The following OXR1 variants were observed in gnomAD, a reference collection of about 807,000 sequenced individuals.
OXR1 encodes the protein oxidation resistance protein 1.
OXR1 carries 41 observed loss-of-function variants against 104.6 expected under a neutral mutation model. The ratio of observed to expected loss-of-function variants is 0.39; its 90% CI spans 0.31 to 0.51. The LOEUF (loss-of-function observed/expected upper bound fraction) is 0.51, where lower values mean the gene tolerates loss of function less well. OXR1 is among the 20% of genes least tolerant of loss of function. The probability of loss-of-function intolerance (pLI) is 0.77; values close to 1 mark genes in which losing one functional copy is unlikely to be tolerated. For missense variants in OXR1, 955 were observed against 1,031.9 expected (o/e 0.93, Z 1.02); for synonymous variants, 348 against 348.4 (o/e 1.00, Z 0.01).
At chr8:106,557,810 C>A (rs896958031) in intron 3 of OXR1, among the ~76,000 whole-genome samples, 1 of 152,174 alleles carries the variant, frequency 6.6e-6, no homozygotes, top group Non-Finnish European at 1.5e-5. Flanking sequence ...CAGAATTTTT[C>A]TCTCAGAAGT....
chr8:106,458,771 C>T (rs1197646574), intron 2 of OXR1, among the ~76,000 whole-genome samples: 2 of 151,984 alleles, frequency 1.3e-5, no homozygotes, highest in African/African-American at 4.8e-5. Flanking sequence ...AACTATGAGG[C>T]AATGTTGTTT....
Position 106,692,807 on chromosome 8 carries a change from C to T in OXR1, c.605C>T (p.Thr202Ile). The T allele has an allele frequency of 1.2e-6, 2 of 1,605,148 alleles. No homozygotes were observed. Among genetic ancestry groups the T allele is most frequent in the Non-Finnish European group, 1.7e-6 (2 of 1,173,788 alleles). The change falls in exon 7 of 17, where the codon ACT becomes ATT. Residue 202 changes from threonine to isoleucine, a missense_variant. Physicochemically the swap from Thr to Ile is moderately conservative, Grantham distance 89 (BLOSUM62 -1). Around this residue, in one of 2 missense-constraint regions of OXR1, gnomAD observed 849 missense variants for 852.9 expected, o/e 1.00. Coordinates refer to ENST00000517566, the MANE Select transcript of OXR1 (RefSeq NM_001198533.2). ...CGACCTGCACGAGTTGTATCTTCAA[C>T]TTCTGAGGAGGAGGAAGCATTTACT... The part of the protein sequence containing the change: ...GIRPARVVSS[T>I]SEEEEAFTEK...
intron 2 of OXR1, among the ~76,000 whole-genome samples, chr8:106,385,107 T>G (rs1436863520): frequency 6.6e-6 from 1 of 152,208 alleles, no homozygotes; most frequent in African/African-American, 2.4e-5. Flanking sequence ...TTCTTCTTCT[T>G]AAGGGACAGA....
intron 3 of OXR1, among the ~76,000 whole-genome samples, chr8:106,529,261 A>T (rs557458049): frequency 5.3e-5 from 8 of 152,252 alleles, no homozygotes; most frequent in African/African-American, 1.9e-4. Context: ...GACAGTCTAC[A>T]TCTCCATGTG....
Position 106,535,688 on chromosome 8 carries a change from G to A in OXR1, c.220+16549G>A, listed in dbSNP as rs569134268. Among the ~76,000 whole-genome samples, 338 of 151,932 alleles carry A rather than the reference G, an allele frequency of 2.2e-3. 1 individual carries two copies. The highest frequency in any genetic ancestry group is 0.013 in the South Asian group (63 of 4,800). ...ACCCTATTATAAAGTTACATTAATGGAGAAAAAAATTATTAACTACCTCAT... is the reference window on the plus strand; with the variant it reads ...ACCCTATTATAAAGTTACATTAATGAAGAAAAAAATTATTAACTACCTCAT... On this transcript the variant is annotated intron_variant, in intron 3 of 16. Coordinates refer to ENST00000517566, the MANE Select transcript of OXR1 (RefSeq NM_001198533.2).
chr8:106,568,192 C>T lies in OXR1; in HGVS notation c.220+49053C>T, dbSNP rs552024783. 2.0e-5 allele frequency among the ~76,000 whole-genome samples: 3 copies of T among 152,224 alleles called. No homozygotes were observed. The East Asian group carries it at 5.8e-4, about 29-fold the overall frequency. On this transcript the variant is annotated intron_variant, in intron 3 of 16. Transcript: ENST00000517566. The stretch of plus-strand genomic sequence containing the variant: ...CAGATATGAATTTAAATCTTGCTTT[C>T]TCACTTCCTAGCTGTATGTACATGA...
chr8:106,735,789 A>G (rs1045819406), intron 11 of OXR1, among the ~76,000 whole-genome samples: 2 of 152,128 alleles, frequency 1.3e-5, no homozygotes, highest in Non-Finnish European at 2.9e-5. Flanking sequence ...TTGAAATCCT[A>G]TTGTTCTTAA....
At chr8:106,685,589 G>A (rs1028644155) in intron 6 of OXR1, among the ~76,000 whole-genome samples, 2 of 151,936 alleles carry the variant, frequency 1.3e-5, no homozygotes, top group African/African-American at 4.8e-5. Context: ...AAAGTTATGT[G>A]AATGATCTTT....
intron 8 of OXR1, 64 bp from the exon 9 acceptor site, chr8:106,706,316 AGT>A (rs1311599051): frequency 5.5e-6 from 6 of 1,091,708 alleles, no homozygotes; most frequent in Non-Finnish European, 7.9e-6. Flanking sequence ...TTCTGTGTTC[AGT>A]GTGTGAAAAG....
At chr8:106,370,478 G>A (rs969708705) in intron 2 of OXR1, among the ~76,000 whole-genome samples, 1 of 152,142 alleles carries the variant, frequency 6.6e-6, no homozygotes, top group Non-Finnish European at 1.5e-5. Context: ...TCTTATACCA[G>A]TTTTCAAAGG....
intron 1 of OXR1, among the ~76,000 whole-genome samples, chr8:106,288,559 G>GTA (rs940323526): frequency 6.9e-6 from 1 of 145,700 alleles, no homozygotes; most frequent in African/African-American, 2.6e-5. Flanking sequence ...TATATAGTGT[G>GTA]TATATATATG....
chr8:106,325,185 T>C (rs1814417247), intron 1 of OXR1, among the ~76,000 whole-genome samples: 1 of 152,202 alleles, frequency 6.6e-6, no homozygotes, highest in South Asian at 2.1e-4. Flanking sequence ...GAACAATGAA[T>C]TGCTTGTCCT....
At chr8:106,702,782 A>G (rs1308915188) in intron 7 of OXR1, 124 bp from the exon 8 acceptor site, 24 of 675,298 alleles carry the variant, frequency 3.6e-5, no homozygotes, top group Admixed American at 9.6e-5. Context: ...TGAGAATGCC[A>G]CAGTTCCTGA....
chr8:106,488,652 T>C (rs1256966919), intron 2 of OXR1, among the ~76,000 whole-genome samples: 4 of 148,718 alleles, frequency 2.7e-5, no homozygotes, highest in African/African-American at 5.0e-5. Context: ...GGCTAGCCAG[T>C]TTTCCCAGCA....
intron 3 of OXR1, among the ~76,000 whole-genome samples, chr8:106,622,509 C>T (rs1411147462): frequency 2.0e-5 from 3 of 151,710 alleles, no homozygotes; most frequent in Non-Finnish European, 4.4e-5. Flanking sequence ...ATAATTCCCC[C>T]GCCATTACTC....
chr8:106,289,839 G>T (rs1445261703), intron 1 of OXR1, among the ~76,000 whole-genome samples: 1 of 152,076 alleles, frequency 6.6e-6, no homozygotes, highest in African/African-American at 2.4e-5. Flanking sequence ...GAATCATCGG[G>T]GCTGTTACCC....
At chr8:106,600,898 C>T (rs1257931120) in intron 3 of OXR1, among the ~76,000 whole-genome samples, 3 of 152,102 alleles carry the variant, frequency 2.0e-5, no homozygotes, top group Non-Finnish European at 4.4e-5. Flanking sequence ...AAAGAGCTAT[C>T]CTTTCCTGGG....
chr8:106,343,271 A>G (rs1024963359), intron 1 of OXR1, among the ~76,000 whole-genome samples: 2 of 152,186 alleles, frequency 1.3e-5, no homozygotes, highest in Non-Finnish European at 2.9e-5. Context: ...CTGGCTCTTC[A>G]CAGCCTCTGG....
intron 2 of OXR1, among the ~76,000 whole-genome samples, chr8:106,452,290 G>C (rs1177371460): frequency 6.6e-6 from 1 of 152,094 alleles, no homozygotes; most frequent in Non-Finnish European, 1.5e-5. Context: ...ATCCATGTAA[G>C]TCTGAACTTA....
Sources: gnomAD v4.1 joint callset for allele counts (sites outside exome capture counted in the v4.1 genomes callset) on GRCh38, gnomAD v4.1.1 for gene constraint, gnomAD v4.1.1 regional missense constraint, MANE v1.5 for transcripts, NCBI Gene and HGNC (gene_info 2026-07-23, HGNC 2026-07-21) for gene names.